AOC1: variants seen among roughly 807,000 people sequenced by gnomAD.
The protein encoded by AOC1 is amine oxidase copper containing 1.
AOC1 carries 58 observed loss-of-function variants against 57.1 expected under a neutral mutation model. The ratio of observed to expected loss-of-function variants is 1.02; its 90% confidence interval spans 0.82 to 1.26. AOC1 has a LOEUF of 1.26. Among genes scored for constraint, AOC1 ranks in the 50% most tolerant of loss-of-function variants. The pLI, the probability that AOC1 is intolerant of heterozygous loss-of-function variation, is 0.00. For missense variants in AOC1, 917 were observed against 1,005.3 expected, an observed-to-expected ratio of 0.91 and a Z score of 1.19; for synonymous variants, 401 against 423.4, an observed-to-expected ratio of 0.95 and a Z score of 0.65.
Position 150,858,980 on chromosome 7 carries a change from G to T in AOC1, c.1788G>T (p.Gln596His). The change falls in exon 3 of 5, where the codon CAG becomes CAT. Residue 596 changes from glutamine (Q) to histidine (H), a missense_variant. Transcript: ENST00000360937. ...GCCACAAGCGCACGTACCGCCTGCA[G>T]ATCCACTCCATGGCCGACCAGGTGC... ...PWGHKRTYRL[Q>H]IHSMADQVLP... The T allele has an allele frequency of 1.2e-6, 2 of 1,605,260 alleles. No homozygotes were observed. Among genetic ancestry groups the T allele is most frequent in the South Asian group, 2.2e-5 (2 of 90,406 alleles).
rs1554412923 is a variant in AOC1 at position 150,853,695 on chromosome 7, A to ATT, written c.-17+1138_-17+1139insTT. On this transcript the variant is annotated intron_variant, in intron 1 of 4. Transcript: ENST00000360937. ...TATATATATATATATATATATATAT[A>ATT]TATTTATTTATTTATTTATTTAAGT... Among the ~76,000 whole-genome samples, 658 of 83,914 alleles carry ATT rather than the reference A, an allele frequency of 7.8e-3. 3 individuals are homozygous for ATT. Among genetic ancestry groups the ATT allele is most frequent in the Middle Eastern group, 0.018 (3 of 168 alleles). 55.1% of individuals were successfully genotyped at this position (83,914 alleles called of 152,430 possible).
rs909103036 is a variant in AOC1, at chr7:150,856,283, C to T, written c.-16-172C>T. Among the ~76,000 whole-genome samples, 3 of 152,128 alleles carry T rather than the reference C, an allele frequency of 2.0e-5. No homozygotes were observed. Among genetic ancestry groups the T allele is most frequent in the South Asian group, 2.1e-4 (1 of 4,828 alleles). On this transcript the variant is annotated intron_variant, in intron 1 of 4. Transcript: ENST00000360937. The surrounding 1 kb of genome is among the most constrained non-coding windows in gnomAD (Gnocchi z 5.2). ...ATGGATGGATGCACAGGCAGCGGCC[C>T]GACGGCGCTGGGGACTATGCATGGG...
chr7:150,861,206 G>A lies in AOC1; in HGVS notation c.2253G>A (p.Val751=). The change falls in exon 5 of 5, where the codon GTG becomes GTA. Residue 751 remains valine, a synonymous_variant. Transcript: ENST00000360937. This position sits in a 1 kb window ranked among gnomAD's most constrained non-coding sequence, Gnocchi z 4.5. ...GCTACAATGGGACCTATAGACCTGT[G>A]TGACCAGCCCCCAGTTCCTCCCCCA... ...PFSYNGTYRP[V] is the part of the protein sequence containing the mutation. 6.4e-7 allele frequency: 1 copy of A among 1,572,514 alleles called. No individual in the cohort carries two copies. The highest frequency in any genetic ancestry group is 1.2e-5 in the South Asian group (1 of 86,258).
rs916709767 is a variant in AOC1 at position 150,857,363 on chromosome 7, G to A, written c.893G>A (p.Ser298Asn). 3 of 1,607,164 alleles carry A rather than the reference G, an allele frequency of 1.9e-6. No homozygotes were observed. The highest frequency in any genetic ancestry group is 1.7e-4 in the Middle Eastern group (1 of 6,048). Residue 298 changes from serine to asparagine, a missense_variant, in exon 2 of 5, where the codon AGC becomes AAC. By Grantham distance (46) the Ser-to-Asn change is conservative (BLOSUM62 1). Coordinates refer to ENST00000360937, the MANE Select transcript of AOC1 (RefSeq NM_001091.4). The surrounding 1 kb of genome is among the most constrained non-coding windows in gnomAD (Gnocchi z 6.6). ...RGDFPSPIHV[S>N]GPRLVQPHGP... is the part of the protein sequence containing the mutation. ...GACTTCCCCAGCCCCATCCATGTGA[G>A]CGGCCCCCGCTTGGTCCAGCCCCAC...
Position 150,856,973 on chromosome 7 carries a change from A to G in AOC1, c.503A>G (p.Asn168Ser). ...AAGCCCCTGCATCAGTTCTTCCTCA[A>G]TACCACAGGCTTCTCATTCCAAGAC... ...ATKPLHQFFL[N>S]TTGFSFQDCH... The change falls in exon 2 of 5, where the codon AAT becomes AGT. Residue 168 changes from asparagine (N) to serine (S), a missense_variant. Coordinates refer to ENST00000360937, the MANE Select transcript of AOC1 (RefSeq NM_001091.4). The surrounding 1 kb of genome is among the most constrained non-coding windows in gnomAD (Gnocchi z 5.2). 2 of 1,614,018 alleles carry G rather than the reference A, an allele frequency of 1.2e-6. No individual in the cohort carries two copies. The highest frequency in any genetic ancestry group is 2.2e-5 in the East Asian group (1 of 44,892).
chr7:150,858,886 C>T lies in AOC1; in HGVS notation c.1694C>T (p.Ala565Val), dbSNP rs762255132. Residue 565 changes from alanine to valine, a missense_variant, in exon 3 of 5, where the codon GCG (alanine) becomes GTG (valine). Coordinates refer to ENST00000360937, the MANE Select transcript of AOC1 (RefSeq NM_001091.4). ...EQTQYSWERQ[A>V]AFRFKRKLPK... Reference sequence around the variant, plus strand: ...ACGCAGTACTCCTGGGAGCGCCAGGCGGCCTTCCGCTTCAAAAGGAAGCTG... The same window carrying T: ...ACGCAGTACTCCTGGGAGCGCCAGGTGGCCTTCCGCTTCAAAAGGAAGCTG... 9.5e-5 allele frequency: 153 copies of T among 1,613,566 alleles called. No individual in the cohort carries two copies. Among genetic ancestry groups the T allele is most frequent in the Non-Finnish European group, 1.2e-4 (146 of 1,179,754 alleles).
chr7:150,857,497 G>A lies in AOC1; in HGVS notation c.1027G>A (p.Gly343Arg), dbSNP rs774495004. ...GLQVLNVHFG[G>R]ERIAYEVSVQ... ...GCAGGTCCTGAACGTGCACTTCGGC[G>A]GAGAGCGCATTGCCTATGAGGTCAG... Residue 343 changes from glycine (G) to arginine (R), a missense_variant, in exon 2 of 5, where the codon GGA becomes AGA. Physicochemically the swap from Gly to Arg is moderately radical, Grantham distance 125. Coordinates refer to ENST00000360937, the MANE Select transcript of AOC1 (RefSeq NM_001091.4). The surrounding 1 kb of genome is among the most constrained non-coding windows in gnomAD (Gnocchi z 6.6). The A allele has an allele frequency of 2.4e-5, 39 of 1,613,540 alleles. No individual in the cohort carries two copies. Among genetic ancestry groups the A allele is most frequent in the African/African-American group, 4.0e-5 (3 of 74,930 alleles).
chr7:150,861,248 C>T lies in AOC1; in HGVS notation c.*39C>T, dbSNP rs778683082. 1 of 1,529,206 alleles carries T rather than the reference C, an allele frequency of 6.5e-7. No homozygotes were observed. The highest frequency in any genetic ancestry group is 8.8e-7 in the Non-Finnish European group (1 of 1,133,888). 94.7% of individuals were successfully genotyped at this position (1,529,206 alleles called of 1,614,324 possible). A position where few individuals can be genotyped will look rare whatever the true frequency, so the allele number is the denominator to read the frequency against. ...CCTCCCCCAGTTCCTCCCAGGAAGC[C>T]CAGGAGCCTCACTGGGGCAGACAAT... On this transcript the variant is annotated 3_prime_UTR_variant, in exon 5 of 5. Transcript: ENST00000360937. The surrounding 1 kb of genome is among the most constrained non-coding windows in gnomAD (Gnocchi z 4.5).
chr7:150,852,905 C>T lies in AOC1; in HGVS notation c.-17+347C>T, dbSNP rs1799662506. 6.6e-6 allele frequency among the ~76,000 whole-genome samples: 1 copy of T among 152,174 alleles called. No individual in the cohort carries two copies. Among genetic ancestry groups the T allele is most frequent in the Non-Finnish European group, 1.5e-5 (1 of 68,026 alleles). ...AAGCAAAGGTCTCTTCCACATCTTT[C>T]TCCTTCCTGGAAAAGCAAAAAGAAA... is the stretch of plus-strand genomic sequence containing the variant. On this transcript the variant is annotated intron_variant, in intron 1 of 4. Transcript: ENST00000360937. This position sits in a 1 kb window ranked among gnomAD's most constrained non-coding sequence, Gnocchi z 4.6.
Position 150,857,820 on chromosome 7 carries a change from G to A in AOC1, c.1350G>A (p.Leu450=). The A allele has an allele frequency of 6.2e-7, 1 of 1,614,178 alleles. No individual in the cohort carries two copies. Among genetic ancestry groups the A allele is most frequent in the Non-Finnish European group, 8.5e-7 (1 of 1,179,994 alleles). Residue 450 remains leucine (L), a synonymous_variant, in exon 2 of 5, where the codon CTG becomes CTA. Coordinates refer to ENST00000360937, the MANE Select transcript of AOC1 (RefSeq NM_001091.4). The surrounding 1 kb of genome is among the most constrained non-coding windows in gnomAD (Gnocchi z 6.6). ...NFYAGLKGQV[L]VLRTTSTVYN... ...ATGCGGGGCTGAAGGGCCAGGTGCT[G>A]GTGCTGCGGACAACTTCAACTGTCT...
In AOC1 at chr7:150,856,833, G is replaced by A. The variant is rs765649843; in HGVS notation, c.363G>A (p.Gly121=). The change falls in exon 2 of 5, where the codon GGG becomes GGA. Residue 121 remains glycine (G), a synonymous_variant. Transcript: ENST00000360937. The surrounding 1 kb of genome is among the most constrained non-coding windows in gnomAD (Gnocchi z 5.2). ...AGTTTGCTGTGGGGCCCCTGCCAGG[G>A]CCCTGCTACATGCGAGCACTGTCCC... The part of the protein sequence containing the change: ...VTEFAVGPLP[G]PCYMRALSPR... 1.2e-6 allele frequency: 2 copies of A among 1,614,038 alleles called. No individual in the cohort carries two copies. The highest frequency in any genetic ancestry group is 1.7e-6 in the Non-Finnish European group (2 of 1,179,974).
Position 150,857,606 on chromosome 7 carries a change from G to A in AOC1, c.1136G>A (p.Gly379Asp). The A allele has an allele frequency of 6.2e-7, 1 of 1,614,000 alleles. No homozygotes were observed. Among genetic ancestry groups the A allele is most frequent in the Non-Finnish European group, 8.5e-7 (1 of 1,179,996 alleles). The change falls in exon 2 of 5, where the codon GGC (glycine) becomes GAC (aspartate). Residue 379 changes from glycine to aspartate, a missense_variant. Physicochemically the swap from Gly to Asp is moderately conservative, Grantham distance 94. Transcript: ENST00000360937. This position sits in a 1 kb window ranked among gnomAD's most constrained non-coding sequence, Gnocchi z 6.6. ...TKYLDVGWGL[G>D]SVTHELAPGI... ...TACCTCGATGTCGGCTGGGGCCTGGGCAGCGTCACTCATGAGTTAGCCCCC... is the reference window on the plus strand; with the variant it reads ...TACCTCGATGTCGGCTGGGGCCTGGACAGCGTCACTCATGAGTTAGCCCCC...
At chr7:150,858,733 C>A (rs745562457) in intron 2 of AOC1, 30 bp from the exon 3 acceptor site, 6 of 1,564,136 alleles carry the variant, frequency 3.8e-6, no homozygotes, top group Non-Finnish European at 5.2e-6. Context: ...CAGCTTGATT[C>A]TCGTTCTCCT....
chr7:150,857,500 G>C lies in AOC1; in HGVS notation c.1030G>C (p.Glu344Gln), dbSNP rs368116193. ...LQVLNVHFGG[E>Q]RIAYEVSVQE... ...GGTCCTGAACGTGCACTTCGGCGGA[G>C]AGCGCATTGCCTATGAGGTCAGCGT... Residue 344 changes from glutamate to glutamine, a missense_variant, in exon 2 of 5, where the codon GAG (glutamate) becomes CAG (glutamine). Transcript: ENST00000360937. This position sits in a 1 kb window ranked among gnomAD's most constrained non-coding sequence, Gnocchi z 6.6. 10 of 1,613,736 alleles carry C rather than the reference G, an allele frequency of 6.2e-6. No individual in the cohort carries two copies. Among genetic ancestry groups the C allele is most frequent in the Middle Eastern group, 1.6e-4 (1 of 6,062 alleles).
At chr7:150,860,094 ACT>A (rs1799921857) in intron 3 of AOC1, 1 of 188,638 alleles carries the variant, frequency 5.3e-6, no homozygotes, top group South Asian at 1.4e-4. Flanking sequence ...CAGGAGAATC[ACT>A]TGAACCTGGG....
chr7:150,858,862 C>G lies in AOC1; in HGVS notation c.1670C>G (p.Thr557Arg). Residue 557 changes from threonine to arginine, a missense_variant, in exon 3 of 5, where the codon ACG becomes AGG. Transcript: ENST00000360937. Reference protein sequence around the residue: ...HRVVQPTLEQTQYSWERQAAF... With the variant: ...HRVVQPTLEQRQYSWERQAAF... ...GTGGTCCAGCCAACTCTGGAGCAGA[C>G]GCAGTACTCCTGGGAGCGCCAGGCG... is the stretch of plus-strand genomic sequence containing the variant. The G allele has an allele frequency of 6.2e-7, 1 of 1,613,966 alleles. No individual in the cohort carries two copies.
Position 150,852,629 on chromosome 7 carries a change from G to A in AOC1, c.-17+71G>A, listed in dbSNP as rs771413186. ...GGAGGACAGAAAAGCAGTGGAAGGA[G>A]GGCACAGAGTGAGGGGCAGAAGAAA... On this transcript the variant is annotated intron_variant, in intron 1 of 4. Coordinates refer to ENST00000360937, the MANE Select transcript of AOC1 (RefSeq NM_001091.4). This position sits in a 1 kb window ranked among gnomAD's most constrained non-coding sequence, Gnocchi z 4.6. The A allele has an allele frequency of 1.3e-3, 196 of 153,840 alleles. No homozygotes were observed. Among genetic ancestry groups the A allele is most frequent in the Middle Eastern group, 3.1e-3 (1 of 322 alleles). The allele number at this position is 153,840 out of a possible 1,614,324, so 9.5% of individuals were successfully genotyped here.
At position 150,860,779 on chromosome 7, in the gene AOC1, A is replaced by G. The variant is rs990593240; in HGVS notation, c.1989+146A>G. 10 of 1,369,116 alleles carry G rather than the reference A, an allele frequency of 7.3e-6. No individual in the cohort carries two copies. The African/African-American group carries it at 1.4e-4, about 20-fold the overall frequency. The allele number at this position is 1,369,116 out of a possible 1,614,324, so 84.8% of individuals were successfully genotyped here. ...GCAGGAGCTGTGCCTTGCTGTGTGG[A>G]CGGCAAGTTCAGAGGTCACAACAGA... On this transcript the variant is annotated intron_variant, in intron 4 of 4. Coordinates refer to ENST00000360937, the MANE Select transcript of AOC1 (RefSeq NM_001091.4).
chr7:150,860,272 T>C (rs1799927636), intron 3 of AOC1, among the ~76,000 whole-genome samples: 1 of 136,706 alleles, frequency 7.3e-6, no homozygotes, highest in Admixed American at 8.0e-5. Context: ...TGCCTGCTGT[T>C]CTGGGCCTGT....
Sources: gnomAD v4.1 joint callset for allele counts (sites outside exome capture counted in the v4.1 genomes callset) on GRCh38, gnomAD v4.1.1 for gene constraint, Gnocchi (gnomAD v3.1) non-coding constraint, MANE v1.5 for transcripts, NCBI Gene and HGNC (gene_info 2026-07-23, HGNC 2026-07-21) for gene names.